SERTAD4: variants seen among roughly 807,000 people sequenced by gnomAD.
SERTAD4 encodes the protein SERTA domain-containing protein 4.
In SERTAD4, 18 loss-of-function variants were observed where a neutral mutation model predicts 32.9. That is an observed-to-expected ratio of 0.55 (90% CI 0.38 to 0.81). SERTAD4 has a LOEUF of 0.81. SERTAD4 is among the 30% of genes least tolerant of loss of function. SERTAD4 has a pLI of 0.00. For synonymous variants in SERTAD4, 150 were observed against 156.4 expected, an observed-to-expected ratio of 0.96 and a Z score of 0.30; for missense variants, 383 against 426.0, an observed-to-expected ratio of 0.90 and a Z score of 0.89.
intron 1 of SERTAD4, among the ~76,000 whole-genome samples, chr1:210,236,803 A>G (rs1426103167): frequency 6.6e-6 from 1 of 152,232 alleles, no homozygotes; most frequent in Non-Finnish European, 1.5e-5. Flanking sequence ...AGGGATTGGC[A>G]GTTAAGGAGG....
At position 210,234,157 on chromosome 1, in the gene SERTAD4, T is replaced by C. The variant is rs2083917057; in HGVS notation, c.-18+1146T>C. 8 of 247,808 alleles carry C rather than the reference T, an allele frequency of 3.2e-5. 1 individual carries two copies. The South Asian group carries it at 3.3e-4, about 10-fold the overall frequency. The allele number at this position is 247,808 out of a possible 1,614,324, so 15.4% of individuals were successfully genotyped here. ...CAGCGGCCGACCGGGCGCTGCTGGC[T>C]ACCCGGGGAGGGGCTGAGGGCTGCG... On this transcript the variant is annotated intron_variant, in intron 1 of 3. Coordinates refer to ENST00000367012, the MANE Select transcript of SERTAD4 (RefSeq NM_019605.5).
intron 1 of SERTAD4, among the ~76,000 whole-genome samples, chr1:210,236,626 T>G (rs914303301): frequency 3.3e-5 from 5 of 152,098 alleles, no homozygotes; most frequent in African/African-American, 1.2e-4. Context: ...CAATGGTAGA[T>G]TCACTCTTTC....
intron 1 of SERTAD4, chr1:210,234,144 G>C (rs1376211454): frequency 1.0e-4 from 25 of 246,446 alleles, no homozygotes; most frequent in Non-Finnish European, 1.2e-4. Context: ...GCGGCCGACC[G>C]GGCGCTGCTG....
At chr1:210,238,719 T>C (rs1306655432) in intron 2 of SERTAD4, among the ~76,000 whole-genome samples, 1 of 152,208 alleles carries the variant, frequency 6.6e-6, no homozygotes, top group Non-Finnish European at 1.5e-5. Context: ...AAGCACACAA[T>C]TGGTTTTAGG....
Position 210,239,557 on chromosome 1 carries a change from G to T in SERTAD4, c.240G>T (p.Lys80Asn). 1 of 1,609,304 alleles carries T rather than the reference G, an allele frequency of 6.2e-7. No homozygotes were observed. Among genetic ancestry groups the T allele is most frequent in the Non-Finnish European group, 8.5e-7 (1 of 1,177,932 alleles). ...CCAAGATCACATACTTTAAGAGGAA[G>T]TATGTGGAAGAAGAGGATTTTCACC... is the stretch of plus-strand genomic sequence containing the variant. ...TTSKITYFKRKYVEEEDFHPP... is the reference protein window; with the variant it reads ...TTSKITYFKRNYVEEEDFHPP... Residue 80 changes from lysine to asparagine, a missense_variant, in exon 3 of 4, where the codon AAG becomes AAT. Lys to Asn is a moderately conservative substitution (Grantham distance 94). Transcript: ENST00000367012.
Position 210,237,993 on chromosome 1 carries a change from C to T in SERTAD4, c.33C>T (p.Cys11=), listed in dbSNP as rs771868122. The change falls in exon 2 of 4, where the codon TGC becomes TGT. Residue 11 remains cysteine (C), a synonymous_variant. Coordinates refer to ENST00000367012, the MANE Select transcript of SERTAD4 (RefSeq NM_019605.5). The part of the protein sequence containing the change: MTLVLSMNRF[C]EPIVSEGAAE... ...TGGTTCTGTCCATGAATAGATTCTGCGAGCCCATTGTCTCGGAAGGAGCTG... is the reference window on the plus strand; with the variant it reads ...TGGTTCTGTCCATGAATAGATTCTGTGAGCCCATTGTCTCGGAAGGAGCTG... 27 of 1,612,916 alleles carry T rather than the reference C, an allele frequency of 1.7e-5. No homozygotes were observed. The Admixed American group carries it at 2.8e-4, about 17-fold the overall frequency.
chr1:210,234,139 C>T (rs969333304), intron 1 of SERTAD4: 2 of 241,422 alleles, frequency 8.3e-6, no homozygotes, highest in Admixed American at 6.2e-5. Flanking sequence ...GGCCAGCGGC[C>T]GACCGGGCGC....
At chr1:210,240,974 T>G (rs974560883) in intron 3 of SERTAD4, among the ~76,000 whole-genome samples, 3 of 152,156 alleles carry the variant, frequency 2.0e-5, no homozygotes, top group South Asian at 4.1e-4. Context: ...AAACATGTAT[T>G]GATGTACAAT....
In SERTAD4 at chr1:210,245,913, T is replaced by C. The variant is rs902479950; in HGVS notation, c.*3576T>C. 1.0e-6 allele frequency: 1 copy of C among 985,302 alleles called. No homozygotes were observed. Among genetic ancestry groups the C allele is most frequent in the Non-Finnish European group, 1.2e-6 (1 of 829,910 alleles). 61.0% of individuals were successfully genotyped at this position (985,302 alleles called of 1,614,324 possible). A position where few individuals can be genotyped will look rare whatever the true frequency, so the allele number is the denominator to read the frequency against. ...TATGTGATGCAGCTAGGTTTTTATA[T>C]CCTTCTAACAAATGGTGAGCAGGAG... On this transcript the variant is annotated 3_prime_UTR_variant, in exon 4 of 4. Transcript: ENST00000367012.
chr1:210,238,454 C>A (rs145381838), intron 2 of SERTAD4, among the ~76,000 whole-genome samples: 1 of 152,332 alleles, frequency 6.6e-6, no homozygotes, highest in East Asian at 1.9e-4. Flanking sequence ...CCCTGTGGAA[C>A]TGTATGGTTC....
intron 1 of SERTAD4, among the ~76,000 whole-genome samples, chr1:210,235,046 C>CA (rs2083927494): frequency 6.7e-6 from 1 of 149,550 alleles, no homozygotes; most frequent in Non-Finnish European, 1.5e-5. Flanking sequence ...AGGGTTAGGG[C>CA]TTTTTTTTTT....
intron 1 of SERTAD4, among the ~76,000 whole-genome samples, chr1:210,236,561 TCCTTGGAAGTGGAC>T (rs2083942296): frequency 6.6e-6 from 1 of 152,230 alleles, no homozygotes; most frequent in Admixed American, 6.5e-5. Flanking sequence ...TTCCTCTTTT[TCCTTGGAAGTGGAC>T]CCTTGTTATA....
In SERTAD4 at chr1:210,244,323, T is replaced by C. The variant is rs1255771643; in HGVS notation, c.*1986T>C. On this transcript the variant is annotated 3_prime_UTR_variant, in exon 4 of 4. Coordinates refer to ENST00000367012, the MANE Select transcript of SERTAD4 (RefSeq NM_019605.5). ...GATTAAGAAGCACAATGTTAATAGA[T>C]GATGTGGTGATCAATAAGGTTATGT... 4 of 152,230 alleles carry C rather than the reference T, an allele frequency of 2.6e-5. No homozygotes were observed. 9.4% of individuals were successfully genotyped at this position (152,230 alleles called of 1,614,324 possible).
chr1:210,241,466 G>C, intron 3 of SERTAD4, 92 bp from the exon 4 acceptor site: 2 of 1,273,882 alleles, frequency 1.6e-6, no homozygotes, highest in Non-Finnish European at 2.1e-6. Flanking sequence ...AAAGAAGTAT[G>C]CTATGATGAT....
At chr1:210,241,301 C>T (rs1179079046) in intron 3 of SERTAD4, among the ~76,000 whole-genome samples, 3 of 152,044 alleles carry the variant, frequency 2.0e-5, no homozygotes, top group Non-Finnish European at 2.9e-5. Flanking sequence ...CACTGTGGCT[C>T]GATTCCCTAG....
chr1:210,234,143 C>A, intron 1 of SERTAD4: 1 of 244,198 alleles, frequency 4.1e-6, no homozygotes, highest in Non-Finnish European at 7.9e-6. Flanking sequence ...AGCGGCCGAC[C>A]GGGCGCTGCT....
chr1:210,239,506 G>A lies in SERTAD4; in HGVS notation c.189G>A (p.Arg63=). Residue 63 remains arginine (R), a synonymous_variant, in exon 3 of 4, where the codon AGG becomes AGA. Transcript: ENST00000367012. ...TTATTACCACAGGATCACATTACAG[G>A]GGAATTTCAAATCCTATAACAACAT... ...AGPPLAGSHY[R]GISNPITTSK... 1.3e-6 allele frequency: 2 copies of A among 1,594,488 alleles called. No homozygotes were observed. The highest frequency in any genetic ancestry group is 1.7e-6 in the Non-Finnish European group (2 of 1,164,308).
At chr1:210,236,838 A>G (rs1417813000) in intron 1 of SERTAD4, among the ~76,000 whole-genome samples, 1 of 152,116 alleles carries the variant, frequency 6.6e-6, no homozygotes, top group African/African-American at 2.4e-5. Flanking sequence ...TACTGTCACC[A>G]CTGGTCTATG....
At chr1:210,235,189 A>T (rs2083929117) in intron 1 of SERTAD4, among the ~76,000 whole-genome samples, 2 of 152,220 alleles carry the variant, frequency 1.3e-5, no homozygotes, top group South Asian at 4.1e-4. Context: ...ATAGAACACG[A>T]ATTTGTGGAC....
Sources: allele counts gnomAD v4.1 joint callset (sites outside exome capture counted in the v4.1 genomes callset), GRCh38; gene constraint gnomAD v4.1.1; transcripts MANE v1.5; gene names NCBI Gene and HGNC (gene_info 2026-07-23, HGNC 2026-07-21).